The following TPRKB variants were observed in gnomAD, a reference collection of about 807,000 sequenced individuals.
TPRKB encodes the protein TP53RK binding protein.
TPRKB carries 11 observed loss-of-function variants against 17.8 expected under a neutral mutation model. That is an observed-to-expected ratio of 0.62 (90% CI 0.39 to 1.02). TPRKB has a LOEUF of 1.02. Among genes scored for constraint, TPRKB ranks in the 50% least tolerant of loss-of-function variants. The pLI is 0.00. For synonymous variants in TPRKB, 71 were observed against 69.5 expected (o/e 1.02, Z -0.11); for missense variants, 228 against 198.0 (o/e 1.15, Z -0.91).
intron 3 of TPRKB, 47 bp from the exon 4 acceptor site, chr2:73,730,783 GT>G: frequency 7.5e-7 from 1 of 1,331,584 alleles, no homozygotes; most frequent in Non-Finnish European, 1.0e-6. Flanking sequence ...ATTAACCATT[GT>G]TTCCTACGTC....
Position 73,730,550 on chromosome 2 carries a change from A to G in TPRKB, c.441+10T>C, listed in dbSNP as rs752479383. 1 of 1,563,176 alleles carries G rather than the reference A, an allele frequency of 6.4e-7. No individual in the cohort carries two copies. The highest frequency in any genetic ancestry group is 1.2e-5 in the South Asian group (1 of 82,356). On this transcript the variant is annotated intron_variant, in intron 4 of 4. Transcript: ENST00000272424. ...TATCACACTCTTTCTAAAAATATGG[A>G]CTGGCAAACCTTTTTGACTTCTGTA...
In TPRKB at chr2:73,733,252, TTG is replaced by T. The variant is rs1289794180; in HGVS notation, c.142-969_142-968del. Among the ~76,000 whole-genome samples, 63 of 144,046 alleles carry T rather than the reference TTG, an allele frequency of 4.4e-4. 2 individuals are homozygous for T. Among genetic ancestry groups the T allele is most frequent in the African/African-American group, 1.5e-3 (60 of 39,008 alleles). The allele number at this position is 144,046 out of a possible 152,430, so 94.5% of individuals were successfully genotyped here. A position where few individuals can be genotyped will look rare whatever the true frequency, so the allele number is the denominator to read the frequency against. On this transcript the variant is annotated intron_variant, in intron 2 of 4. Coordinates refer to ENST00000272424, the MANE Select transcript of TPRKB (RefSeq NM_016058.5). ...ATCGCACTGCGTGTGCCCTGTTTTTTTGTTTTTTTTTTTTTTTGGAGACAGAC... is the reference window on the plus strand; with the variant it reads ...ATCGCACTGCGTGTGCCCTGTTTTTTTTTTTTTTTTTTTTTGGAGACAGAC...
intron 1 of TPRKB, among the ~76,000 whole-genome samples, chr2:73,734,818 T>C (rs996705451): frequency 1.8e-4 from 28 of 152,332 alleles, no homozygotes; most frequent in African/African-American, 6.3e-4. Context: ...AGCTGGTTGC[T>C]GTTTGTTCAG....
rs1415009949 is a variant in TPRKB at position 73,730,811 on chromosome 2, C to T, written c.265-75G>A. 1.9e-5 allele frequency: 21 copies of T among 1,088,278 alleles called. No homozygotes were observed. In the Admixed American group the frequency reaches 6.7e-4, roughly 35 times the overall value. 67.4% of individuals were successfully genotyped at this position (1,088,278 alleles called of 1,614,324 possible). The stretch of plus-strand genomic sequence containing the variant: ...TCCTACGTCTGAAACATTTCCTGAT[C>T]TGCCTTCTTCCTTGGTCAGGCTCTT... On this transcript the variant is annotated intron_variant, in intron 3 of 4. Transcript: ENST00000272424.
chr2:73,734,942 CTCTA>C (rs1455079643), intron 1 of TPRKB, among the ~76,000 whole-genome samples: 7 of 152,198 alleles, frequency 4.6e-5, no homozygotes, highest in Non-Finnish European at 8.8e-5. Flanking sequence ...TGAAGTCTTA[CTCTA>C]TCTTAGTCTT....
Position 73,732,148 on chromosome 2 carries a change from G to A in TPRKB, c.264+15C>T. ...ATTATGACACGGTCAACAGAAATAGGAAAGTGCACATTACATTGTTATTTG... is the reference window on the plus strand; with the variant it reads ...ATTATGACACGGTCAACAGAAATAGAAAAGTGCACATTACATTGTTATTTG... On this transcript the variant is annotated intron_variant, in intron 3 of 4. Coordinates refer to ENST00000272424, the MANE Select transcript of TPRKB (RefSeq NM_016058.5). The A allele has an allele frequency of 1.2e-6, 2 of 1,609,760 alleles. No individual in the cohort carries two copies. The highest frequency in any genetic ancestry group is 1.7e-6 in the Non-Finnish European group (2 of 1,178,478).
At chr2:73,731,755 C>T (rs1409244067) in intron 3 of TPRKB, among the ~76,000 whole-genome samples, 1 of 152,164 alleles carries the variant, frequency 6.6e-6, no homozygotes, top group South Asian at 2.1e-4. Flanking sequence ...GTTATAGGTA[C>T]AAGCAAGTTC....
chr2:73,731,646 T>C (rs1468832416), intron 3 of TPRKB, among the ~76,000 whole-genome samples: 1 of 152,230 alleles, frequency 6.6e-6, no homozygotes, highest in South Asian at 2.1e-4. Context: ...GTGATGTCTT[T>C]AGCTTGATAA....
intron 2 of TPRKB, chr2:73,732,817 A>G (rs1366798495): frequency 6.5e-6 from 1 of 153,100 alleles, no homozygotes; most frequent in Non-Finnish European, 1.5e-5. Context: ...ATTTTTTTAA[A>G]TAACATTAAT....
chr2:73,730,611 C>T lies in TPRKB; in HGVS notation c.390G>A (p.Gln130=), dbSNP rs144417465. Residue 130 remains glutamine, a synonymous_variant, in exon 4 of 5, where the codon CAG becomes CAA. Coordinates refer to ENST00000272424, the MANE Select transcript of TPRKB (RefSeq NM_016058.5). ...EYLISQVEGH[Q]VSLKNLPEIM... ...TTTCAGGAAGATTTTTCAGAGAAAC[C>T]TGATGACCTTCTACTTGAGATATTA... is the stretch of plus-strand genomic sequence containing the variant. 835 of 1,591,900 alleles carry T rather than the reference C, an allele frequency of 5.2e-4. 13 individuals are homozygous for T. In the East Asian group the frequency reaches 0.018, roughly 34 times the overall value.
At chr2:73,736,071 TAAAC>T (rs1050850940) in intron 1 of TPRKB, among the ~76,000 whole-genome samples, 10 of 152,282 alleles carry the variant, frequency 6.6e-5, no homozygotes, top group Non-Finnish European at 1.3e-4. Context: ...AAAAGGCTTT[TAAAC>T]AAATATTAAA....
intron 1 of TPRKB, among the ~76,000 whole-genome samples, chr2:73,736,601 A>T (rs1021549624): frequency 6.6e-6 from 1 of 152,190 alleles, no homozygotes; most frequent in Admixed American, 6.5e-5. Context: ...TAATCCGTAA[A>T]GTCCTGAATT....
In TPRKB at chr2:73,734,455, C is replaced by T. The variant is rs1323881042; in HGVS notation, c.115G>A (p.Asp39Asn). 8 of 1,613,608 alleles carry T rather than the reference C, an allele frequency of 5.0e-6. No individual in the cohort carries two copies. The highest frequency in any genetic ancestry group is 3.3e-5 in the Admixed American group (2 of 59,840). Residue 39 changes from aspartate (D) to asparagine (N), a missense_variant, in exon 2 of 5, where the codon GAT (aspartate) becomes AAT (asparagine). Physicochemically the swap from Asp to Asn is conservative, Grantham distance 23. Transcript: ENST00000272424. ...ACTGTAGGATTTATCAGTGATCCAT[C>T]GATGGTGCCTTCCATGGCCTTTCTT... The part of the protein sequence containing the change: ...LRRKAMEGTI[D>N]GSLINPTVIV...
Position 73,734,579 on chromosome 2 carries a change from A to G in TPRKB, c.-10T>C, listed in dbSNP as rs955450321. 1.2e-6 allele frequency: 2 copies of G among 1,602,564 alleles called. No homozygotes were observed. The highest frequency in any genetic ancestry group is 1.7e-6 in the Non-Finnish European group (2 of 1,176,334). ...GATGTGTTAACTGCATTTCACAGATAAGCAGGATTCTACTGCACACAAAAT... is the reference window on the plus strand; with the variant it reads ...GATGTGTTAACTGCATTTCACAGATGAGCAGGATTCTACTGCACACAAAAT... On this transcript the variant is annotated 5_prime_UTR_variant, in exon 2 of 5. Coordinates refer to ENST00000272424, the MANE Select transcript of TPRKB (RefSeq NM_016058.5).
intron 2 of TPRKB, among the ~76,000 whole-genome samples, chr2:73,733,457 C>G (rs1233212047): frequency 1.3e-5 from 2 of 152,058 alleles, no homozygotes; most frequent in Non-Finnish European, 2.9e-5. Context: ...CACGGTTTCA[C>G]TATGTAGGCC....
chr2:73,730,655 GT>G lies in TPRKB; in HGVS notation c.345del (p.Lys115AsnfsTer3). On this transcript the variant is annotated frameshift_variant, in exon 4 of 5. Transcript: ENST00000272424. LOFTEE classifies it high-confidence loss of function. ...GATATTAGGTATTCTTGATTTATTT[GT>G]TTTTCTCCCTCTTCAATGTAAACAA... ...ILIVYIEEGE[K>X]QINQEYLISQ... 6.3e-7 allele frequency: 1 copy of G among 1,584,224 alleles called. No individual in the cohort carries two copies. Among genetic ancestry groups the G allele is most frequent in the Admixed American group, 1.9e-5 (1 of 53,914 alleles).
Position 73,729,883 on chromosome 2 carries a change from A to C in TPRKB, c.*60T>G. 2.1e-6 allele frequency: 3 copies of C among 1,408,372 alleles called. No homozygotes were observed. The highest frequency in any genetic ancestry group is 2.8e-6 in the Non-Finnish European group (3 of 1,059,942). 87.2% of individuals were successfully genotyped at this position (1,408,372 alleles called of 1,614,324 possible). A position where few individuals can be genotyped will look rare whatever the true frequency, so the allele number is the denominator to read the frequency against. ...ATAATGCACAATTAGTTTTATAGTCAGGAAAGGAAAATCAATGTTTTCTTT... is the reference window on the plus strand; with the variant it reads ...ATAATGCACAATTAGTTTTATAGTCCGGAAAGGAAAATCAATGTTTTCTTT... On this transcript the variant is annotated 3_prime_UTR_variant, in exon 5 of 5. Transcript: ENST00000272424.
chr2:73,732,328 T>C, intron 2 of TPRKB, 43 bp from the exon 3 acceptor site: 1 of 1,592,282 alleles, frequency 6.3e-7, no homozygotes, highest in Non-Finnish European at 8.6e-7. Flanking sequence ...ATGGAGAATC[T>C]GCAGTGCCTG....
chr2:73,734,160 G>A (rs1420441605), intron 2 of TPRKB, among the ~76,000 whole-genome samples: 4 of 149,968 alleles, frequency 2.7e-5, no homozygotes, highest in Non-Finnish European at 5.9e-5. Context: ...GTGCAATGGC[G>A]CAATCTTGGC....
Sources: allele counts gnomAD v4.1 joint callset (sites outside exome capture counted in the v4.1 genomes callset), GRCh38; gene constraint gnomAD v4.1.1; transcripts MANE v1.5; gene names NCBI Gene and HGNC (gene_info 2026-07-23, HGNC 2026-07-21).